IMMP1L: variants seen among roughly 807,000 people sequenced by gnomAD.
The protein encoded by IMMP1L is inner mitochondrial membrane peptidase subunit 1, also known as mitochondrial inner membrane protease subunit 1.
In IMMP1L, 24 loss-of-function variants were observed where a neutral mutation model predicts 21.8. The observed-to-expected ratio is 1.10, with a 90% CI of 0.80 to 1.55. IMMP1L has a LOEUF of 1.55. IMMP1L is among the 40% of genes most tolerant of loss of function. The pLI, the probability that IMMP1L is intolerant of heterozygous loss-of-function variation, is 0.00. For missense variants in IMMP1L, 195 were observed against 200.7 expected (o/e 0.97, Z 0.17); for synonymous variants, 46 against 62.8 (o/e 0.73, Z 1.26).
intron 3 of IMMP1L, among the ~76,000 whole-genome samples, chr11:31,460,287 TG>T (rs1176542379): frequency 6.6e-6 from 1 of 152,238 alleles, no homozygotes; most frequent in Non-Finnish European, 1.5e-5. Context: ...AACATTGATT[TG>T]GATCTGTAAT....
chr11:31,471,145 T>A (rs1021497582), intron 1 of IMMP1L, among the ~76,000 whole-genome samples: 1 of 152,194 alleles, frequency 6.6e-6, no homozygotes, highest in Admixed American at 6.5e-5. Context: ...AGGATAAATG[T>A]TTGAGGTGAT....
intron 1 of IMMP1L, among the ~76,000 whole-genome samples, chr11:31,476,502 A>C (rs939531306): frequency 5.9e-5 from 9 of 152,126 alleles, no homozygotes; most frequent in African/African-American, 2.2e-4. Context: ...TCAGGTATAA[A>C]ATTGATTATA....
rs141910560 is a variant in IMMP1L, at chr11:31,463,189, C to T, written c.88G>A (p.Val30Ile). The T allele has an allele frequency of 7.1e-5, 114 of 1,606,264 alleles. No homozygotes were observed. Among genetic ancestry groups the T allele is most frequent in the Middle Eastern group, 1.7e-4 (1 of 6,060 alleles). Reference protein sequence around the residue: ...GCIAHCAFEYVGGVVMCSGPS... With the variant: ...GCIAHCAFEYIGGVVMCSGPS... ...AAACTTACCATGACAACACCACCAA[C>T]GTATTCAAAAGCACAATGAGCTATA... The change falls in exon 2 of 6, where the codon GTT (valine) becomes ATT (isoleucine). Residue 30 changes from valine (V) to isoleucine (I), a missense_variant. Coordinates refer to ENST00000532287, the MANE Select transcript of IMMP1L (RefSeq NM_001304274.2).
At chr11:31,438,875 TA>T (rs1465631965) in intron 4 of IMMP1L, among the ~76,000 whole-genome samples, 34 of 152,232 alleles carry the variant, frequency 2.2e-4, no homozygotes, top group African/African-American at 7.7e-4. Flanking sequence ...CTTCACATAT[TA>T]TACCACTTCA....
intron 1 of IMMP1L, among the ~76,000 whole-genome samples, chr11:31,493,176 A>G (rs1260854845): frequency 1.3e-5 from 2 of 152,208 alleles, no homozygotes; most frequent in Admixed American, 6.5e-5. Context: ...ATGCTGCTAT[A>G]AAGAACTGCC....
intron 4 of IMMP1L, among the ~76,000 whole-genome samples, chr11:31,440,973 T>C (rs1953306226): frequency 6.6e-6 from 1 of 152,214 alleles, no homozygotes; most frequent in Non-Finnish European, 1.5e-5. Context: ...AAATAGAATA[T>C]CTTTCTTTTA....
chr11:31,447,206 T>A (rs1953556810), intron 4 of IMMP1L, among the ~76,000 whole-genome samples: 1 of 152,224 alleles, frequency 6.6e-6, no homozygotes, highest in African/African-American at 2.4e-5. Context: ...AAATTTTGTA[T>A]ACTCCTATAG....
intron 1 of IMMP1L, among the ~76,000 whole-genome samples, chr11:31,490,947 C>G (rs1344186489): frequency 1.3e-5 from 2 of 152,176 alleles, no homozygotes; most frequent in Non-Finnish European, 2.9e-5. Context: ...CCTGGAGTTA[C>G]ACTGTCTCAG....
At chr11:31,491,630 A>C (rs1359437565) in intron 1 of IMMP1L, among the ~76,000 whole-genome samples, 4 of 152,236 alleles carry the variant, frequency 2.6e-5, no homozygotes, top group Non-Finnish European at 4.4e-5. Context: ...TGTTAAGCAA[A>C]GAAAAACCTA....
chr11:31,477,771 C>T (rs1954772094), intron 1 of IMMP1L: 1 of 152,550 alleles, frequency 6.6e-6, no homozygotes, highest in African/African-American at 2.4e-5. Flanking sequence ...TGAAAGAAGT[C>T]AAATCCACAT....
intron 1 of IMMP1L, among the ~76,000 whole-genome samples, chr11:31,497,618 C>G (rs753239920): frequency 6.6e-6 from 1 of 152,074 alleles, no homozygotes; most frequent in South Asian, 2.1e-4. Flanking sequence ...CGCGCTACCA[C>G]GCCCAGCTAA....
intron 4 of IMMP1L, among the ~76,000 whole-genome samples, chr11:31,438,545 T>G (rs901539685): frequency 6.6e-6 from 1 of 152,162 alleles, no homozygotes; most frequent in Non-Finnish European, 1.5e-5. Flanking sequence ...TTTCCTATTG[T>G]GTTTCGTGCT....
chr11:31,470,170 T>C (rs946642390), intron 1 of IMMP1L, among the ~76,000 whole-genome samples: 10 of 152,164 alleles, frequency 6.6e-5, no homozygotes, highest in Admixed American at 6.5e-4. Context: ...ATCCAACACT[T>C]TGGGAGGCCA....
intron 1 of IMMP1L, chr11:31,488,243 T>C (rs1322489267): frequency 6.6e-6 from 1 of 152,132 alleles, no homozygotes; most frequent in African/African-American, 2.4e-5. Flanking sequence ...TCAGGAATCC[T>C]AAAGCAGGAA....
At chr11:31,439,590 A>G (rs1258829026) in intron 4 of IMMP1L, among the ~76,000 whole-genome samples, 1 of 152,056 alleles carries the variant, frequency 6.6e-6, no homozygotes, top group African/African-American at 2.4e-5. Context: ...GCTTCTTCAC[A>G]TATCTGGTAA....
chr11:31,473,758 G>A (rs974237050), intron 1 of IMMP1L: 1 of 985,080 alleles, frequency 1.0e-6, no homozygotes, highest in Non-Finnish European at 1.2e-6. Context: ...ACAAGAAGTT[G>A]TCCACCTGAT....
intron 1 of IMMP1L, among the ~76,000 whole-genome samples, chr11:31,499,175 T>C (rs1409675436): frequency 6.6e-6 from 1 of 151,978 alleles, no homozygotes; most frequent in African/African-American, 2.4e-5. Context: ...CCATCCTGGC[T>C]AAAATGGTGA....
chr11:31,495,718 C>T (rs2133806975), intron 1 of IMMP1L, among the ~76,000 whole-genome samples: 1 of 152,242 alleles, frequency 6.6e-6, no homozygotes, highest in African/African-American at 2.4e-5. Context: ...ATAGCATTGA[C>T]ATAAATGGTC....
intron 1 of IMMP1L, among the ~76,000 whole-genome samples, chr11:31,468,576 C>T (rs1233298326): frequency 6.6e-6 from 1 of 152,054 alleles, no homozygotes; most frequent in Non-Finnish European, 1.5e-5. Context: ...AGGGTGACTT[C>T]ATTCATTCAA....
Sources: allele counts gnomAD v4.1 joint callset (sites outside exome capture counted in the v4.1 genomes callset), GRCh38; gene constraint gnomAD v4.1.1; transcripts MANE v1.5; gene names NCBI Gene and HGNC (gene_info 2026-07-23, HGNC 2026-07-21).